Variants in CNTN1 observed in about 807,000 individuals in gnomAD.
CNTN1 encodes the protein contactin 1.
A neutral mutation model predicts 126.4 loss-of-function variants in CNTN1; 38 were observed. The ratio of observed to expected loss-of-function variants is 0.30; its 90% CI spans 0.23 to 0.39. The LOEUF (loss-of-function observed/expected upper bound fraction) is 0.39, where lower values mean the gene tolerates loss of function less well. Ranked by LOEUF, CNTN1 falls within the 10% of genes least tolerant of loss-of-function variation. The pLI is 1.00. For synonymous variants in CNTN1, 413 were observed against 422.6 expected (o/e 0.98, Z 0.28); for missense variants, 1,009 against 1,248.4 (o/e 0.81, Z 2.89).
intron 1 of CNTN1, among the ~76,000 whole-genome samples, chr12:40,747,990 G>T (rs546574775): frequency 6.6e-6 from 1 of 152,248 alleles, no homozygotes; most frequent in South Asian, 2.1e-4. Context: ...CCACATTGTG[G>T]AGGGCATAAA....
intron 23 of CNTN1, among the ~76,000 whole-genome samples, chr12:41,037,382 T>G (rs970222233): frequency 4.6e-5 from 7 of 151,868 alleles, no homozygotes; most frequent in African/African-American, 1.7e-4. Flanking sequence ...TATATTTATG[T>G]ATGTATATAT....
chr12:41,009,096 T>TA (rs1948581660), intron 17 of CNTN1, among the ~76,000 whole-genome samples: 1 of 152,200 alleles, frequency 6.6e-6, no homozygotes, highest in South Asian at 2.1e-4. Context: ...GGGCCCAATC[T>TA]GGATTTTCTA....
chr12:40,706,197 A>G (rs1486434420), intron 1 of CNTN1, among the ~76,000 whole-genome samples: 1 of 151,924 alleles, frequency 6.6e-6, no homozygotes, highest in Non-Finnish European at 1.5e-5. Context: ...TACATGTGCC[A>G]TGTTGGTGTG....
chr12:40,872,208 T>TGTGTG lies in CNTN1; in HGVS notation c.-76-36149_-76-36148insGTGTG, dbSNP rs1943523302. ...ATTTCGGTAGGGTTTTTCCGTTGCTTTGTTTGTGTGTGTGTGTGTGTGTGT... is the reference window on the plus strand; with the variant it reads ...ATTTCGGTAGGGTTTTTCCGTTGCTTGTGTGTGTTTGTGTGTGTGTGTGTGTGTGT... On this transcript the variant is annotated intron_variant, in intron 1 of 23. Coordinates refer to ENST00000551295, the MANE Select transcript of CNTN1 (RefSeq NM_001843.4). Among the ~76,000 whole-genome samples the TGTGTG allele has an allele frequency of 2.4e-5, 3 of 124,048 alleles. No individual in the cohort carries two copies. The Admixed American group carries it at 2.7e-4, about 11-fold the overall frequency. 81.4% of individuals were successfully genotyped at this position (124,048 alleles called of 152,430 possible). A position where few individuals can be genotyped will look rare whatever the true frequency, so the allele number is the denominator to read the frequency against.
At chr12:40,972,040 A>G (rs1206893458) in intron 15 of CNTN1, 1 of 986,116 alleles carries the variant, frequency 1.0e-6, no homozygotes, top group Admixed American at 6.2e-5. Flanking sequence ...GAAAGAATGA[A>G]AAGCATTAGT....
At chr12:40,995,344 C>G (rs1247449695) in intron 17 of CNTN1, among the ~76,000 whole-genome samples, 1 of 152,006 alleles carries the variant, frequency 6.6e-6, no homozygotes, top group Non-Finnish European at 1.5e-5. Context: ...CTTCTCTACA[C>G]CATCTAAAAC....
chr12:40,798,490 G>A (rs757268393), intron 1 of CNTN1, among the ~76,000 whole-genome samples: 2 of 151,926 alleles, frequency 1.3e-5, no homozygotes, highest in African/African-American at 4.8e-5. Context: ...TGATAGCCAA[G>A]GGTGTTCCCC....
rs780747965 is a variant in CNTN1 at position 41,029,099 on chromosome 12, C to G, written c.2860C>G (p.Leu954Val). Residue 954 changes from leucine (L) to valine (V), a missense_variant, in exon 23 of 24, where the codon CTG becomes GTG. Transcript: ENST00000551295. Reference sequence around the variant, plus strand: ...ACCTGATGGCCAGCATGATGGCAAGCTGTATTCAACTCACAAACACTCCAT... The same window carrying G: ...ACCTGATGGCCAGCATGATGGCAAGGTGTATTCAACTCACAAACACTCCAT... ...YRPDGQHDGK[L>V]YSTHKHSIEV... 17 of 1,614,044 alleles carry G rather than the reference C, an allele frequency of 1.1e-5. No individual in the cohort carries two copies. The highest frequency in any genetic ancestry group is 1.4e-5 in the Non-Finnish European group (16 of 1,179,974).
chr12:40,702,513 C>T (rs1262910011), intron 1 of CNTN1, among the ~76,000 whole-genome samples: 2 of 152,028 alleles, frequency 1.3e-5, no homozygotes, highest in South Asian at 2.1e-4. Flanking sequence ...GGTGCGATCT[C>T]GGCTCCCCGC....
At chr12:40,726,161 A>G (rs914097955) in intron 1 of CNTN1, among the ~76,000 whole-genome samples, 2 of 152,192 alleles carry the variant, frequency 1.3e-5, no homozygotes, top group African/African-American at 4.8e-5. Context: ...TTAGAATATA[A>G]CTATTCTTTA....
intron 3 of CNTN1, among the ~76,000 whole-genome samples, chr12:40,911,258 T>G (rs974498690): frequency 7.9e-5 from 12 of 152,058 alleles, no homozygotes; most frequent in Non-Finnish European, 1.6e-4. Context: ...TTTTTTGTAT[T>G]TTTAGTAGAG....
intron 1 of CNTN1, among the ~76,000 whole-genome samples, chr12:40,734,382 G>A (rs566789409): frequency 2.0e-5 from 3 of 152,194 alleles, no homozygotes; most frequent in African/African-American, 7.2e-5. Flanking sequence ...GGGTTAAGTG[G>A]TGAGATTCAA....
At chr12:40,966,888 T>C (rs1362387590) in intron 15 of CNTN1, among the ~76,000 whole-genome samples, 1 of 152,182 alleles carries the variant, frequency 6.6e-6, no homozygotes, top group Non-Finnish European at 1.5e-5. Flanking sequence ...TTTCTTTCCC[T>C]CCACACTAGA....
At chr12:40,830,427 A>T (rs55721553) in intron 1 of CNTN1, among the ~76,000 whole-genome samples, 35,977 of 151,490 alleles carry the variant, frequency 0.24, 4,804 homozygotes, top group South Asian at 0.36. Context: ...TTACAAAAAT[A>T]TATATTAAAA....
At chr12:40,729,199 G>A in intron 1 of CNTN1, 1 of 201,082 alleles carries the variant, frequency 5.0e-6, no homozygotes, top group Admixed American at 4.6e-5. Context: ...CTGATCTGAA[G>A]ATCAAAAGGG....
At chr12:40,994,624 A>T (rs561530343) in intron 17 of CNTN1, among the ~76,000 whole-genome samples, 15 of 152,104 alleles carry the variant, frequency 9.9e-5, no homozygotes, top group Non-Finnish European at 1.9e-4. Flanking sequence ...ATAATAATAA[A>T]AACCAAACAC....
chr12:41,054,729 A>C (rs1312034433), intron 23 of CNTN1, among the ~76,000 whole-genome samples: 1 of 152,038 alleles, frequency 6.6e-6, no homozygotes, highest in Non-Finnish European at 1.5e-5. Flanking sequence ...CTCATTCTCT[A>C]GTTATTAGAT....
chr12:40,740,781 G>A (rs1937913172), intron 1 of CNTN1, among the ~76,000 whole-genome samples: 1 of 152,044 alleles, frequency 6.6e-6, no homozygotes, highest in South Asian at 2.1e-4. Flanking sequence ...TCGTGATACT[G>A]AATAAGTCTC....
At chr12:40,868,959 C>A (rs1943396785) in intron 1 of CNTN1, among the ~76,000 whole-genome samples, 1 of 151,664 alleles carries the variant, frequency 6.6e-6, no homozygotes, top group South Asian at 2.1e-4. Flanking sequence ...TAGTTATTTG[C>A]TATTTAGAAA....
Sources: gnomAD v4.1 joint callset for allele counts (sites outside exome capture counted in the v4.1 genomes callset) on GRCh38, gnomAD v4.1.1 for gene constraint, MANE v1.5 for transcripts, NCBI Gene and HGNC (gene_info 2026-07-23, HGNC 2026-07-21) for gene names.